BTRC: variants seen among roughly 807,000 people sequenced by gnomAD.
BTRC encodes F-box/WD repeat-containing protein 1A.
In BTRC, 42 loss-of-function variants were observed where a neutral mutation model predicts 85.5. The ratio of observed to expected loss-of-function variants is 0.49; its 90% confidence interval spans 0.38 to 0.64. BTRC has a LOEUF of 0.64. Among genes scored for constraint, BTRC ranks in the 30% least tolerant of loss-of-function variants. BTRC has a pLI of 0.00. For synonymous variants in BTRC, 255 were observed against 263.3 expected, an observed-to-expected ratio of 0.97 and a Z score of 0.30; for missense variants, 594 against 743.5, an observed-to-expected ratio of 0.80 and a Z score of 2.34.
chr10:101,392,725 T>C (rs1027710505), intron 1 of BTRC, among the ~76,000 whole-genome samples: 3 of 152,126 alleles, frequency 2.0e-5, no homozygotes, highest in African/African-American at 7.2e-5. Context: ...GGTTTCACCA[T>C]GTTGGCCAGA....
Position 101,538,309 on chromosome 10 carries a change from G to A in BTRC, c.1594G>A (p.Asp532Asn), listed in dbSNP as rs763102118. 2 of 1,613,916 alleles carry A rather than the reference G, an allele frequency of 1.2e-6. No homozygotes were observed. Among genetic ancestry groups the A allele is most frequent in the Admixed American group, 3.3e-5 (2 of 59,990 alleles). Reference protein sequence around the residue: ...GAYDGKIKVWDLVAALDPRAP... With the variant: ...GAYDGKIKVWNLVAALDPRAP... ...GATCTTTAGAAAAATTAAAGTGTGG[G>A]ATCTTGTGGCTGCTTTGGACCCCCG... The change falls in exon 13 of 15, where the codon GAT (aspartate) becomes AAT (asparagine). Residue 532 changes from aspartate to asparagine, a missense_variant. Asp to Asn is a conservative substitution (Grantham distance 23). Around this residue, in one of 4 missense-constraint regions of BTRC, gnomAD observed 373 missense variants for 503.6 expected, o/e 0.74. Transcript: ENST00000370187.
At chr10:101,509,135 G>T (rs1946624030) in intron 4 of BTRC, among the ~76,000 whole-genome samples, 1 of 150,292 alleles carries the variant, frequency 6.7e-6, no homozygotes, top group South Asian at 2.1e-4. Context: ...AGGTCTCCCT[G>T]CTATCACCAT....
Position 101,556,949 on chromosome 10 carries a change from T to C in BTRC, c.*3826T>C, listed in dbSNP as rs1423346790. The C allele has an allele frequency of 6.6e-6, 1 of 152,220 alleles. No individual in the cohort carries two copies. Among genetic ancestry groups the C allele is most frequent in the African/African-American group, 2.4e-5 (1 of 41,432 alleles). 9.4% of individuals were successfully genotyped at this position (152,220 alleles called of 1,614,324 possible). On this transcript the variant is annotated 3_prime_UTR_variant, in exon 15 of 15. Coordinates refer to ENST00000370187, the MANE Select transcript of BTRC (RefSeq NM_033637.4). ...CCTCCCCTCCTAACCCTTCCCCTTC[T>C]TGGACACTGAAGGAAAAGGCCAACT...
Position 101,387,528 on chromosome 10 carries a change from C to CTTTTTTTTTTTTTTTT in BTRC, c.48+33303_48+33318dup, listed in dbSNP as rs535656002. ...TGTGGCTTTTTATACCTTCATGGGA[C>CTTTTTTTTTTTTTTTT]TTTTTTTTTTTTTTTTTTGAGATAG... On this transcript the variant is annotated intron_variant, in intron 1 of 14. Transcript: ENST00000370187. Among the ~76,000 whole-genome samples the CTTTTTTTTTTTTTTTT allele has an allele frequency of 6.9e-3, 309 of 45,064 alleles. 92 individuals carry two copies. The highest frequency in any genetic ancestry group is 0.04 in the African/African-American group (263 of 6,512). The allele number at this position is 45,064 out of a possible 152,430, so 29.6% of individuals were successfully genotyped here.
At chr10:101,477,164 TC>T (rs1945712140) in intron 3 of BTRC, among the ~76,000 whole-genome samples, 1 of 151,942 alleles carries the variant, frequency 6.6e-6, no homozygotes, top group African/African-American at 2.4e-5. Flanking sequence ...TTTTTTATTT[TC>T]TTTTTTTGTA....
chr10:101,439,227 C>T (rs1265297851), intron 2 of BTRC, among the ~76,000 whole-genome samples: 1 of 152,196 alleles, frequency 6.6e-6, no homozygotes, highest in Admixed American at 6.5e-5. Flanking sequence ...GAGATGGAAA[C>T]ACAAATTGGA....
At chr10:101,469,922 AG>A (rs1945476755) in intron 3 of BTRC, among the ~76,000 whole-genome samples, 1 of 152,330 alleles carries the variant, frequency 6.6e-6, no homozygotes, top group East Asian at 1.9e-4. Context: ...GTATATCAGT[AG>A]TTTATTCTCT....
intron 2 of BTRC, 34 bp downstream of exon 2, chr10:101,430,486 C>T (rs1944373931): frequency 6.4e-7 from 1 of 1,558,292 alleles, no homozygotes; most frequent in African/African-American, 1.4e-5. Context: ...TATTTGCGGG[C>T]ATTAGTGTAT....
In BTRC at chr10:101,461,978, C is replaced by A; in HGVS notation, c.157-3C>A. 1 of 1,604,624 alleles carries A rather than the reference C, an allele frequency of 6.2e-7. No individual in the cohort carries two copies. Among genetic ancestry groups the A allele is most frequent in the Non-Finnish European group, 8.5e-7 (1 of 1,173,278 alleles). ...CTGAATTAAAGCTTACTTTCTTTCA[C>A]AGAATTCCTCAGAGAGAGAAGACTG... On this transcript the variant is annotated splice_polypyrimidine_tract_variant and splice_region_variant and intron_variant, in intron 2 of 14. Transcript: ENST00000370187.
At chr10:101,404,070 C>T (rs1333904543) in intron 1 of BTRC, among the ~76,000 whole-genome samples, 9 of 113,386 alleles carry the variant, frequency 7.9e-5, no homozygotes, top group Non-Finnish European at 6.7e-5. Flanking sequence ...CTCGCTCTGT[C>T]ACCCAGGCTG....
chr10:101,526,656 TG>T lies in BTRC; in HGVS notation c.743+458del, dbSNP rs146810440. Among the ~76,000 whole-genome samples the T allele has an allele frequency of 2.0e-3, 304 of 152,348 alleles. 1 individual carries two copies. Among genetic ancestry groups the T allele is most frequent in the African/African-American group, 7.0e-3 (293 of 41,580 alleles). On this transcript the variant is annotated intron_variant, in intron 6 of 14. Transcript: ENST00000370187. ...TTAGCCGAGTATGGTGGCGTGCACCTGTAATCCCAGCTACTGTAGAGGCTGA... is the reference window on the plus strand; with the variant it reads ...TTAGCCGAGTATGGTGGCGTGCACCTTAATCCCAGCTACTGTAGAGGCTGA...
intron 11 of BTRC, 70 bp from the exon 12 acceptor site, chr10:101,536,473 G>A: frequency 1.8e-6 from 2 of 1,141,592 alleles, no homozygotes; most frequent in Non-Finnish European, 1.3e-6. Context: ...CATATGAGGT[G>A]TATTGTTATA....
intron 1 of BTRC, among the ~76,000 whole-genome samples, chr10:101,376,373 A>C (rs545317639): frequency 6.6e-6 from 1 of 152,344 alleles, no homozygotes; most frequent in African/African-American, 2.4e-5. Context: ...TCTCATGGCC[A>C]AGGCTTGGAC....
Position 101,555,268 on chromosome 10 carries a change from G to A in BTRC, c.*2145G>A, listed in dbSNP as rs953632504. On this transcript the variant is annotated 3_prime_UTR_variant, in exon 15 of 15. Transcript: ENST00000370187. ...TTGCCCAATAGCCATAATTTTACCA[G>A]CCTTTCTGTCATATGCTGCTATTAC... is the stretch of plus-strand genomic sequence containing the variant. 1.3e-5 allele frequency: 2 copies of A among 152,668 alleles called. No individual in the cohort carries two copies. The highest frequency in any genetic ancestry group is 4.8e-5 in the African/African-American group (2 of 41,464). The allele number at this position is 152,668 out of a possible 1,614,324, so 9.5% of individuals were successfully genotyped here.
Position 101,521,852 on chromosome 10 carries a change from T to A in BTRC, c.538T>A (p.Phe180Ile). ...TCTTAAACCTATGTTGCAGAGAGAT[T>A]TCATAACTGCTCTGCCAGGTATGTC... ...SYLKPMLQRD[F>I]ITALPARGLD... The change falls in exon 5 of 15, where the codon TTC becomes ATC. Residue 180 changes from phenylalanine to isoleucine, a missense_variant. Phe to Ile is a conservative substitution (Grantham distance 21). This residue lies in a region of BTRC where 373 missense variants were observed against 503.6 expected (regional missense o/e 0.74). Transcript: ENST00000370187. The A allele has an allele frequency of 6.2e-7, 1 of 1,611,942 alleles. No homozygotes were observed. The highest frequency in any genetic ancestry group is 8.5e-7 in the Non-Finnish European group (1 of 1,178,086).
In BTRC at chr10:101,446,981, A is replaced by T. The variant is rs1267032879; in HGVS notation, c.157-15000A>T. ...TCCTCTTGAAAGCAGAGTCTGGGGCATGAATACTGTGGGGGGTGGTGGGGG... is the reference window on the plus strand; with the variant it reads ...TCCTCTTGAAAGCAGAGTCTGGGGCTTGAATACTGTGGGGGGTGGTGGGGG... On this transcript the variant is annotated intron_variant, in intron 2 of 14. Transcript: ENST00000370187. Among the ~76,000 whole-genome samples the T allele has an allele frequency of 8.1e-5, 10 of 124,078 alleles. No individual in the cohort carries two copies. The Admixed American group carries it at 9.1e-4, about 11-fold the overall frequency. The allele number at this position is 124,078 out of a possible 152,430, so 81.4% of individuals were successfully genotyped here.
At chr10:101,552,482 C>G (rs1366665540) in intron 14 of BTRC, among the ~76,000 whole-genome samples, 1 of 151,976 alleles carries the variant, frequency 6.6e-6, no homozygotes, top group African/African-American at 2.4e-5. Context: ...GTGTGAGCCA[C>G]CGCACCCGGC....
chr10:101,512,235 C>A (rs1165098289), intron 4 of BTRC, among the ~76,000 whole-genome samples: 1 of 152,196 alleles, frequency 6.6e-6, no homozygotes, highest in African/African-American at 2.4e-5. Context: ...AAAACCCTTG[C>A]CTATTTTATT....
At chr10:101,518,312 T>G (rs2062053076) in intron 4 of BTRC, among the ~76,000 whole-genome samples, 2 of 152,200 alleles carry the variant, frequency 1.3e-5, no homozygotes, top group Non-Finnish European at 2.9e-5. Flanking sequence ...TGTGTCGCTA[T>G]TATGCTTCTG....
Sources: gnomAD v4.1 joint callset for allele counts (sites outside exome capture counted in the v4.1 genomes callset) on GRCh38, gnomAD v4.1.1 for gene constraint, gnomAD v4.1.1 regional missense constraint, MANE v1.5 for transcripts, NCBI Gene and HGNC (gene_info 2026-07-23, HGNC 2026-07-21) for gene names.